NRG3: variants seen among roughly 807,000 people sequenced by gnomAD.
NRG3 encodes the protein pro-neuregulin-3, membrane-bound isoform.
A neutral mutation model predicts 66.9 loss-of-function variants in NRG3; 31 were observed. The observed-to-expected ratio is 0.46, with a 90% confidence interval of 0.35 to 0.63. NRG3 has a LOEUF of 0.63. Ranked by LOEUF, NRG3 falls within the 20% of genes least tolerant of loss-of-function variation. The pLI, the probability that NRG3 is intolerant of heterozygous loss-of-function variation, is 0.00. For missense variants in NRG3, 910 were observed against 878.9 expected, an observed-to-expected ratio of 1.04 and a Z score of -0.45; for synonymous variants, 393 against 359.4, an observed-to-expected ratio of 1.09 and a Z score of -1.06.
At position 82,623,598 on chromosome 10, in the gene NRG3, G is replaced by A. The variant is rs2049193737; in HGVS notation, c.954-114979G>A. Among the ~76,000 whole-genome samples the A allele has an allele frequency of 2.6e-5, 4 of 152,242 alleles. No homozygotes were observed. In the South Asian group the frequency reaches 8.3e-4, roughly 32 times the overall value. The stretch of plus-strand genomic sequence containing the variant: ...GGACCCAGTCTTCCTAGAGTTTTCA[G>A]CCAAATTGTAGTACCTGTGAGACAG... On this transcript the variant is annotated intron_variant, in intron 2 of 8. Transcript: ENST00000372141.
At chr10:82,565,506 AAC>A (rs1354090021) in intron 2 of NRG3, among the ~76,000 whole-genome samples, 1 of 152,050 alleles carries the variant, frequency 6.6e-6, no homozygotes, top group East Asian at 1.9e-4. Context: ...ATCCCCACCA[AAC>A]ACACACAGAC....
Position 82,479,604 on chromosome 10 carries a change from C to T in NRG3, c.953+120736C>T, listed in dbSNP as rs1350985630. Among the ~76,000 whole-genome samples, 3 of 133,460 alleles carry T rather than the reference C, an allele frequency of 2.2e-5. No individual in the cohort carries two copies. In the East Asian group the frequency reaches 7.0e-4, roughly 31 times the overall value. The allele number at this position is 133,460 out of a possible 152,430, so 87.6% of individuals were successfully genotyped here. A position where few individuals can be genotyped will look rare whatever the true frequency, so the allele number is the denominator to read the frequency against. On this transcript the variant is annotated intron_variant, in intron 2 of 8. Coordinates refer to ENST00000372141, the MANE Select transcript of NRG3 (RefSeq NM_001010848.4). Reference sequence around the variant, plus strand: ...GCTTGAACCCGGGAGGCAGAGGTTGCGGTGAGCCGAGGTCGCGCCATTGCA... The same window carrying T: ...GCTTGAACCCGGGAGGCAGAGGTTGTGGTGAGCCGAGGTCGCGCCATTGCA...
intron 1 of NRG3, among the ~76,000 whole-genome samples, chr10:82,061,873 A>ATCTCT (rs2064172211): frequency 2.6e-5 from 2 of 76,462 alleles, no homozygotes; most frequent in Non-Finnish European, 5.4e-5. Context: ...ACACACACAA[A>ATCTCT]CACACACACA....
At chr10:82,668,880 G>A (rs1003405268) in intron 2 of NRG3, among the ~76,000 whole-genome samples, 1 of 152,102 alleles carries the variant, frequency 6.6e-6, no homozygotes, top group Non-Finnish European at 1.5e-5. Context: ...TCTATTTTCT[G>A]GTGGGAGTTT....
intron 3 of NRG3, among the ~76,000 whole-genome samples, chr10:82,739,860 G>A (rs987759549): frequency 1.3e-5 from 2 of 152,060 alleles, no homozygotes; most frequent in Non-Finnish European, 2.9e-5. Context: ...GGAGTTTTTG[G>A]TATCTTATTT....
chr10:82,636,775 C>T (rs963842352), intron 2 of NRG3, among the ~76,000 whole-genome samples: 11 of 151,368 alleles, frequency 7.3e-5, no homozygotes, highest in African/African-American at 2.7e-4. Context: ...AGAGGAATTG[C>T]TGGGTCATAT....
chr10:82,185,930 A>G (rs1270482388), intron 1 of NRG3, among the ~76,000 whole-genome samples: 3 of 152,186 alleles, frequency 2.0e-5, no homozygotes, highest in African/African-American at 4.8e-5. Context: ...AACTGGCATC[A>G]TGCATCTTTT....
intron 2 of NRG3, among the ~76,000 whole-genome samples, chr10:82,608,992 A>G (rs2048137035): frequency 6.6e-6 from 1 of 152,182 alleles, no homozygotes; most frequent in African/African-American, 2.4e-5. Flanking sequence ...TCCTACCCTG[A>G]TAGCCCTCTT....
chr10:82,289,811 G>A (rs2079621643), intron 1 of NRG3, among the ~76,000 whole-genome samples: 1 of 152,128 alleles, frequency 6.6e-6, no homozygotes, highest in African/African-American at 2.4e-5. Context: ...TTGCAAAATA[G>A]CAAGTTCATT....
At chr10:82,412,480 C>G (rs1204007127) in intron 2 of NRG3, among the ~76,000 whole-genome samples, 3 of 152,068 alleles carry the variant, frequency 2.0e-5, no homozygotes, top group Non-Finnish European at 2.9e-5. Context: ...ATCATGTGAG[C>G]CTTCAGTGAG....
Position 82,888,029 on chromosome 10 carries a change from T to G in NRG3, c.1054+22592T>G, listed in dbSNP as rs527373094. Among the ~76,000 whole-genome samples, 4 of 152,324 alleles carry G rather than the reference T, an allele frequency of 2.6e-5. No individual in the cohort carries two copies. The South Asian group carries it at 8.3e-4, about 32-fold the overall frequency. ...TAATTTGTAATGATAAGTTTACAGA[T>G]TTTTTAAAAATAGAAACATATTATG... On this transcript the variant is annotated intron_variant, in intron 4 of 8. Coordinates refer to ENST00000372141, the MANE Select transcript of NRG3 (RefSeq NM_001010848.4).
At chr10:82,210,940 C>G (rs2075364792) in intron 1 of NRG3, among the ~76,000 whole-genome samples, 1 of 146,322 alleles carries the variant, frequency 6.8e-6, no homozygotes, top group Non-Finnish European at 1.5e-5. Context: ...AAAAAAAAGG[C>G]TGCATATCTT....
intron 2 of NRG3, among the ~76,000 whole-genome samples, chr10:82,548,510 T>C (rs936329966): frequency 1.6e-4 from 22 of 141,724 alleles, no homozygotes; most frequent in Middle Eastern, 7.1e-3. Flanking sequence ...AATACACAAA[T>C]ACATTCTGTC....
intron 1 of NRG3, among the ~76,000 whole-genome samples, chr10:82,307,958 C>A (rs865950260): frequency 5.9e-5 from 9 of 152,046 alleles, no homozygotes; most frequent in Middle Eastern, 3.4e-3. Flanking sequence ...CATTTGGATA[C>A]TTTTGCTTTA....
At chr10:82,585,956 C>G (rs1192447305) in intron 2 of NRG3, among the ~76,000 whole-genome samples, 1 of 152,016 alleles carries the variant, frequency 6.6e-6, no homozygotes, top group African/African-American at 2.4e-5. Context: ...TATTCAATAG[C>G]TTAAATCTGA....
At chr10:82,709,275 C>G (rs892934513) in intron 2 of NRG3, among the ~76,000 whole-genome samples, 1 of 152,156 alleles carries the variant, frequency 6.6e-6, no homozygotes, top group Admixed American at 6.6e-5. Flanking sequence ...ACAGTTCTAT[C>G]GGATGGTGTG....
chr10:82,643,393 C>G (rs1205425237), intron 2 of NRG3, among the ~76,000 whole-genome samples: 1 of 152,102 alleles, frequency 6.6e-6, no homozygotes, highest in Non-Finnish European at 1.5e-5. Flanking sequence ...CTGCCTTCCA[C>G]TATGATTGTG....
intron 1 of NRG3, among the ~76,000 whole-genome samples, chr10:82,233,586 T>C (rs2076605738): frequency 6.6e-6 from 1 of 152,176 alleles, no homozygotes; most frequent in African/African-American, 2.4e-5. Context: ...ATCTATCTTC[T>C]AATGACTTGC....
At chr10:82,841,948 A>G (rs1171417137) in intron 3 of NRG3, among the ~76,000 whole-genome samples, 1 of 152,212 alleles carries the variant, frequency 6.6e-6, no homozygotes, top group Non-Finnish European at 1.5e-5. Context: ...ATATAGCCAC[A>G]GAAAAAATTG....
Sources: gnomAD v4.1 joint callset for allele counts (sites outside exome capture counted in the v4.1 genomes callset) on GRCh38, gnomAD v4.1.1 for gene constraint, MANE v1.5 for transcripts, NCBI Gene and HGNC (gene_info 2026-07-23, HGNC 2026-07-21) for gene names.